The following MAGI2 variants were observed in gnomAD, a reference collection of about 807,000 sequenced individuals.
MAGI2 encodes membrane associated guanylate kinase, WW and PDZ domain containing 2, also known as membrane-associated guanylate kinase, WW and PDZ domain-containing protein 2.
In MAGI2, 35 loss-of-function variants were observed where a neutral mutation model predicts 133.3. That is an observed-to-expected ratio of 0.26 (90% confidence interval 0.20 to 0.35). The LOEUF is 0.35. Among genes scored for constraint, MAGI2 ranks in the 10% least tolerant of loss-of-function variants. The pLI is 1.00. For missense variants in MAGI2, 1,636 were observed against 1,863.4 expected, an observed-to-expected ratio of 0.88 and a Z score of 2.25; for synonymous variants, 729 against 710.6, an observed-to-expected ratio of 1.03 and a Z score of -0.41.
chr7:78,172,872 T>C (rs1367971430), intron 14 of MAGI2, among the ~76,000 whole-genome samples: 1 of 152,198 alleles, frequency 6.6e-6, no homozygotes, highest in Non-Finnish European at 1.5e-5. Flanking sequence ...GGGAGATCTT[T>C]ACAGTTTCAC....
chr7:78,070,510 A>G (rs10270976), intron 21 of MAGI2, among the ~76,000 whole-genome samples: 5 of 142,052 alleles, frequency 3.5e-5, no homozygotes, highest in Admixed American at 7.0e-5. Flanking sequence ...GTGTATATAT[A>G]TGTGTGTATA....
chr7:78,586,654 A>G (rs1401121036), intron 3 of MAGI2, among the ~76,000 whole-genome samples: 2 of 152,164 alleles, frequency 1.3e-5, no homozygotes, highest in Non-Finnish European at 2.9e-5. Flanking sequence ...TTGTTGTGCA[A>G]CCATCACCAC....
chr7:78,572,645 T>G (rs1178753645), intron 3 of MAGI2, among the ~76,000 whole-genome samples: 3 of 151,968 alleles, frequency 2.0e-5, no homozygotes, highest in Non-Finnish European at 4.4e-5. Context: ...TTGTTTTGGC[T>G]ATTTACTTTT....
chr7:78,207,576 CT>C (rs917760889), intron 10 of MAGI2, among the ~76,000 whole-genome samples: 3 of 152,164 alleles, frequency 2.0e-5, no homozygotes, highest in Non-Finnish European at 4.4e-5. Context: ...ATGTTATTCA[CT>C]TTTTTTCTGG....
intron 1 of MAGI2, among the ~76,000 whole-genome samples, chr7:79,117,464 G>C (rs1297638578): frequency 3.3e-5 from 5 of 152,032 alleles, no homozygotes. Context: ...CACTGCAAAG[G>C]TAATACTAAA....
intron 1 of MAGI2, among the ~76,000 whole-genome samples, chr7:79,320,066 G>C (rs1839050558): frequency 6.6e-6 from 1 of 151,960 alleles, no homozygotes; most frequent in East Asian, 1.9e-4. Context: ...GGTATGTCTT[G>C]GACATTCCTG....
chr7:78,808,242 TA>T (rs913884471), intron 2 of MAGI2, among the ~76,000 whole-genome samples: 3 of 152,088 alleles, frequency 2.0e-5, no homozygotes, highest in Non-Finnish European at 4.4e-5. Flanking sequence ...GCTGTATTTT[TA>T]TTTATTTACT....
intron 1 of MAGI2, among the ~76,000 whole-genome samples, chr7:79,082,992 T>C (rs569525629): frequency 9.7e-4 from 148 of 151,916 alleles, no homozygotes; most frequent in Non-Finnish European, 1.9e-3. Flanking sequence ...TGTTCATTGA[T>C]TATATATAAA....
chr7:79,256,213 C>T (rs1201696100), intron 1 of MAGI2, among the ~76,000 whole-genome samples: 1 of 152,160 alleles, frequency 6.6e-6, no homozygotes, highest in Non-Finnish European at 1.5e-5. Flanking sequence ...ACCTTTGACA[C>T]AAACAAGTAA....
At chr7:78,060,510 G>T (rs929826440) in intron 21 of MAGI2, among the ~76,000 whole-genome samples, 2 of 152,238 alleles carry the variant, frequency 1.3e-5, no homozygotes, top group Non-Finnish European at 2.9e-5. Flanking sequence ...TACCACAAAG[G>T]GGAGGAAGTA....
chr7:78,885,129 GA>G (rs992386395), intron 2 of MAGI2, among the ~76,000 whole-genome samples: 2 of 152,042 alleles, frequency 1.3e-5, no homozygotes, highest in Admixed American at 6.6e-5. Context: ...ATAAAGATAG[GA>G]ACAACACACA....
At chr7:79,301,664 G>T (rs1434305045) in intron 1 of MAGI2, among the ~76,000 whole-genome samples, 1 of 152,180 alleles carries the variant, frequency 6.6e-6, no homozygotes, top group Admixed American at 6.5e-5. Flanking sequence ...ACTTTGAGGA[G>T]CTATTGGGAG....
intron 3 of MAGI2, among the ~76,000 whole-genome samples, chr7:78,585,116 G>GTAA (rs967278323): frequency 2.6e-5 from 4 of 152,144 alleles, no homozygotes; most frequent in African/African-American, 9.7e-5. Context: ...CTTTGAGTTG[G>GTAA]TAATAGTCTC....
At chr7:79,092,015 A>T (rs941225332) in intron 1 of MAGI2, among the ~76,000 whole-genome samples, 2 of 152,068 alleles carry the variant, frequency 1.3e-5, no homozygotes, top group Non-Finnish European at 2.9e-5. Flanking sequence ...CCTTTGATAC[A>T]TGCTATACAC....
intron 1 of MAGI2, among the ~76,000 whole-genome samples, chr7:79,285,225 TACTAAGATGATAGC>T (rs757871832): frequency 7.9e-5 from 12 of 152,200 alleles, no homozygotes; most frequent in Non-Finnish European, 1.5e-4. Context: ...AAATATCCAT[TACTAAGATGATAGC>T]ACTTTTATTT....
intron 6 of MAGI2, among the ~76,000 whole-genome samples, chr7:78,481,805 C>G (rs570834007): frequency 1.3e-5 from 2 of 151,560 alleles, no homozygotes; most frequent in Non-Finnish European, 2.9e-5. Context: ...TAAAACTATA[C>G]AATATTTAGA....
intron 1 of MAGI2, among the ~76,000 whole-genome samples, chr7:79,296,043 C>G (rs1836902637): frequency 6.6e-6 from 1 of 152,128 alleles, no homozygotes; most frequent in East Asian, 1.9e-4. Flanking sequence ...ATTTAACTTT[C>G]CTAATTGTGC....
At chr7:78,867,763 G>T (rs1563600791) in intron 2 of MAGI2, among the ~76,000 whole-genome samples, 1 of 152,078 alleles carries the variant, frequency 6.6e-6, no homozygotes, top group Non-Finnish European at 1.5e-5. Context: ...TGGGAGAGCT[G>T]GGGAGACAAC....
chr7:79,007,000 A>C, intron 2 of MAGI2, 90 bp downstream of exon 2: 2 of 946,888 alleles, frequency 2.1e-6, no homozygotes, highest in Non-Finnish European at 3.1e-6. Flanking sequence ...ATAAAAAATA[A>C]GTGCAATTTC....
Sources: gnomAD v4.1 joint callset for allele counts (sites outside exome capture counted in the v4.1 genomes callset) on GRCh38, gnomAD v4.1.1 for gene constraint, MANE v1.5 for transcripts, NCBI Gene and HGNC (gene_info 2026-07-23, HGNC 2026-07-21) for gene names.